Variants in TCF25 observed in about 807,000 individuals in gnomAD.
TCF25 encodes the protein TCF25 ribosome quality control complex subunit, also known as ribosome quality control complex subunit TCF25.
Under a neutral mutation model 83.1 loss-of-function variants are expected in TCF25, and 41 were observed. That is an observed-to-expected ratio of 0.49 (90% CI 0.38 to 0.64). The LOEUF is 0.64. Ranked by LOEUF, TCF25 falls within the 30% of genes least tolerant of loss-of-function variation. The pLI is 0.00. For missense variants in TCF25, 979 were observed against 914.5 expected (o/e 1.07, Z -0.91); for synonymous variants, 458 against 365.0 (o/e 1.25, Z -2.90).
intron 11 of TCF25, 108 bp downstream of exon 11, chr16:89,898,980 T>C (rs562693135): frequency 9.1e-7 from 1 of 1,093,834 alleles, no homozygotes; most frequent in African/African-American, 1.6e-5. Context: ...GATGAAACGA[T>C]AATCGTCTGA....
intron 16 of TCF25, chr16:89,909,084 G>A (rs1377967976): frequency 7.8e-7 from 1 of 1,289,404 alleles, no homozygotes; most frequent in East Asian, 5.5e-5. Flanking sequence ...TCTGTGGCAG[G>A]TGCGAGTGAC....
chr16:89,909,838 G>C (rs2045398377), intron 16 of TCF25: 1 of 152,566 alleles, frequency 6.6e-6, no homozygotes, highest in African/African-American at 2.4e-5. Flanking sequence ...CAGGAGCAGA[G>C]CACACGGCAC....
At chr16:89,909,141 T>C (rs1217691198) in intron 16 of TCF25, 2 of 1,282,762 alleles carry the variant, frequency 1.6e-6, no homozygotes, top group Admixed American at 4.6e-5. Context: ...ATATTAATTT[T>C]AGAATGTAGA....
chr16:89,899,657 G>T (rs546154547), intron 11 of TCF25, among the ~76,000 whole-genome samples: 1 of 152,234 alleles, frequency 6.6e-6, no homozygotes, highest in South Asian at 2.1e-4. Flanking sequence ...GAACCTGGGA[G>T]GTGGAGGTTG....
chr16:89,898,421 T>C, intron 9 of TCF25, 136 bp from the exon 10 acceptor site: 1 of 707,298 alleles, frequency 1.4e-6, no homozygotes, highest in Non-Finnish European at 2.4e-6. Context: ...CGCTGAGCAG[T>C]GTGTGGGGTG....
At chr16:89,894,395 G>A (rs1223528358) in intron 7 of TCF25, among the ~76,000 whole-genome samples, 2 of 150,814 alleles carry the variant, frequency 1.3e-5, no homozygotes, top group African/African-American at 4.9e-5. Context: ...GACAGCCCCC[G>A]GGCGGCCCTC....
chr16:89,896,440 G>A (rs1284817210), intron 9 of TCF25, among the ~76,000 whole-genome samples: 1 of 152,008 alleles, frequency 6.6e-6, no homozygotes, highest in Non-Finnish European at 1.5e-5. Context: ...GGGCACAGTG[G>A]TTCACGCCTG....
chr16:89,906,087 C>T, intron 14 of TCF25, 107 bp from the exon 15 acceptor site: 1 of 935,366 alleles, frequency 1.1e-6, no homozygotes, highest in Admixed American at 2.1e-5. Context: ...ACCAGAGATG[C>T]AGCGAGATGC....
intron 11 of TCF25, among the ~76,000 whole-genome samples, chr16:89,899,248 G>C (rs1439437646): frequency 1.3e-5 from 2 of 152,182 alleles, no homozygotes; most frequent in East Asian, 3.9e-4. Context: ...GGTTGGTTGC[G>C]TGGGGCTGAC....
intron 12 of TCF25, among the ~76,000 whole-genome samples, chr16:89,903,396 C>A (rs1177564235): frequency 1.3e-5 from 2 of 152,232 alleles, no homozygotes; most frequent in Non-Finnish European, 2.9e-5. Context: ...ACCGGCCGGG[C>A]ACGGTGGCTC....
intron 1 of TCF25, among the ~76,000 whole-genome samples, chr16:89,877,279 C>T (rs977750771): frequency 6.6e-6 from 1 of 152,016 alleles, no homozygotes; most frequent in East Asian, 1.9e-4. Context: ...TTATAACTCA[C>T]TGTAATCTTG....
chr16:89,900,479 G>T (rs1292270747), intron 11 of TCF25, among the ~76,000 whole-genome samples, 156 bp from the exon 12 acceptor site: 1 of 152,152 alleles, frequency 6.6e-6, no homozygotes, highest in Non-Finnish European at 1.5e-5. Flanking sequence ...GACGTTTTAA[G>T]TTATCTTTAT....
Position 89,895,529 on chromosome 16 carries a change from G to T in TCF25, c.928+392G>T, listed in dbSNP as rs141678268. On this transcript the variant is annotated intron_variant, in intron 8 of 17. Transcript: ENST00000263346. ...CCCTCTGGCTTTTATTTACAATGAA[G>T]TTTTCAAGGTTCATCCTCACTGTAG... Among the ~76,000 whole-genome samples the T allele has an allele frequency of 3.5e-4, 53 of 152,300 alleles. No individual in the cohort carries two copies. The East Asian group carries it at 0.01, about 29-fold the overall frequency.
At chr16:89,900,891 C>T in intron 12 of TCF25, 97 bp downstream of exon 12, 2 of 1,311,880 alleles carry the variant, frequency 1.5e-6, no homozygotes, top group Non-Finnish European at 2.0e-6. Context: ...CAGTCCTTCC[C>T]CACACTTGTA....
At chr16:89,908,535 GCTCCCTC>G (rs2045210146) in intron 16 of TCF25, among the ~76,000 whole-genome samples, 3 of 22,098 alleles carry the variant, frequency 1.4e-4, no homozygotes, top group East Asian at 1.5e-3. Flanking sequence ...CCACCTCCCA[GCTCCCTC>G]CTCCCACCTT....
chr16:89,906,200 G>C lies in TCF25; in HGVS notation c.1635G>C (p.Lys545Asn). Reference sequence around the variant, plus strand: ...TGTTTCTCCCCGGCCCTAGGCGGAAGGTGCTCTACCAGCGTGCACCCAGGA... The same window carrying C: ...TGTTTCTCCCCGGCCCTAGGCGGAACGTGCTCTACCAGCGTGCACCCAGGA... ...PAVEACENRRKVLYQRAPRNI... is the reference protein window; with the variant it reads ...PAVEACENRRNVLYQRAPRNI... Residue 545 changes from lysine to asparagine, a missense_variant, in exon 15 of 18, where the codon AAG becomes AAC. Transcript: ENST00000263346. 6.2e-7 allele frequency: 1 copy of C among 1,613,276 alleles called. No individual in the cohort carries two copies. The highest frequency in any genetic ancestry group is 8.5e-7 in the Non-Finnish European group (1 of 1,179,956).
chr16:89,910,777 AG>A, intron 17 of TCF25, 114 bp downstream of exon 17: 1 of 1,257,270 alleles, frequency 8.0e-7, no homozygotes. Flanking sequence ...CACAGGGAGC[AG>A]GGAAGGACCA....
At chr16:89,895,903 C>G in intron 8 of TCF25, 87 bp from the exon 9 acceptor site, 1 of 1,270,124 alleles carries the variant, frequency 7.9e-7, no homozygotes, top group South Asian at 1.3e-5. Flanking sequence ...TCCGTCCAGA[C>G]CTTTCCTTGT....
At chr16:89,879,913 C>G (rs558388227) in intron 1 of TCF25, among the ~76,000 whole-genome samples, 1 of 151,514 alleles carries the variant, frequency 6.6e-6, no homozygotes, top group African/African-American at 2.4e-5. Flanking sequence ...CACGTGTTGT[C>G]CGTGTACACA....
Sources: allele counts gnomAD v4.1 joint callset (sites outside exome capture counted in the v4.1 genomes callset), GRCh38; gene constraint gnomAD v4.1.1; transcripts MANE v1.5; gene names NCBI Gene and HGNC (gene_info 2026-07-23, HGNC 2026-07-21).